The following PGLYRP1 variants were observed in gnomAD, a reference collection of about 807,000 sequenced individuals.
PGLYRP1 encodes the protein peptidoglycan recognition protein 1, also known as TNF superfamily, member 3 (LTB)-like (peptidoglycan recognition protein).
A neutral mutation model predicts 16.3 loss-of-function variants in PGLYRP1; 18 were observed. The ratio of observed to expected loss-of-function variants is 1.11; its 90% CI spans 0.77 to 1.64. PGLYRP1 has a LOEUF of 1.64. Ranked by LOEUF, PGLYRP1 falls within the 40% of genes most tolerant of loss-of-function variation. PGLYRP1 has a pLI of 0.00. For missense variants in PGLYRP1, 261 were observed against 268.6 expected (o/e 0.97, Z 0.20); for synonymous variants, 89 against 105.7 (o/e 0.84, Z 0.97).
chr19:46,021,098 C>G (rs1037114523), intron 1 of PGLYRP1: 3 of 152,346 alleles, frequency 2.0e-5, no homozygotes, highest in South Asian at 2.1e-4. Context: ...AAACGAGGCT[C>G]AGAGAGAGAA....
At position 46,019,254 on chromosome 19, in the gene PGLYRP1, TG is replaced by T; in HGVS notation, c.574del (p.His192ThrfsTer29). 1 of 1,613,610 alleles carries T rather than the reference TG, an allele frequency of 6.2e-7. No homozygotes were observed. The highest frequency in any genetic ancestry group is 1.7e-5 in the Admixed American group (1 of 59,992). On this transcript the variant is annotated frameshift_variant, in exon 3 of 3. Coordinates refer to ENST00000008938, the MANE Select transcript of PGLYRP1 (RefSeq NM_005091.3). LOFTEE classifies it high-confidence loss of function. This position sits in a 1 kb window ranked among gnomAD's most constrained non-coding sequence, Gnocchi z 4.8. ...AGCAGGGCCTCAGGGGGAGCGGTAG[TG>T]TGGCCAATTCTGGATGAGGTGGTAG... ...QLYHLIQNWP[H>X]YRSP
At position 46,019,693 on chromosome 19, in the gene PGLYRP1, C is replaced by T. The variant is rs750471201; in HGVS notation, c.288-46G>A. 32 of 1,586,394 alleles carry T rather than the reference C, an allele frequency of 2.0e-5. No homozygotes were observed. Among genetic ancestry groups the T allele is most frequent in the African/African-American group, 1.1e-4 (8 of 74,508 alleles). On this transcript the variant is annotated intron_variant, in intron 1 of 2. Transcript: ENST00000008938. The surrounding 1 kb of genome is among the most constrained non-coding windows in gnomAD (Gnocchi z 4.8). ...GCTTGATGAGTGAGGGAGGGTTTCC[C>T]GAGGAGGACTCCTCCTCCTTCCTCC...
In PGLYRP1 at chr19:46,023,011, C is replaced by T. The variant is rs1433868270; in HGVS notation, c.11G>A (p.Arg4His). 1.9e-6 allele frequency: 3 copies of T among 1,553,638 alleles called. No individual in the cohort carries two copies. The highest frequency in any genetic ancestry group is 2.6e-6 in the Non-Finnish European group (3 of 1,149,032). The change falls in exon 1 of 3, where the codon CGC becomes CAC. Residue 4 changes from arginine (R) to histidine (H), a missense_variant. Physicochemically the swap from Arg to His is conservative, Grantham distance 29 (BLOSUM62 0). Coordinates refer to ENST00000008938, the MANE Select transcript of PGLYRP1 (RefSeq NM_005091.3). ...GAGAGCCCAGGCAAGCAGCATAGAG[C>T]GGCGGGACATAGTGGCAGGGCGGCA... The part of the protein sequence containing the change: MSR[R>H]SMLLAWALPS...
Position 46,019,968 on chromosome 19 carries a change from C to A in PGLYRP1, c.288-321G>T, listed in dbSNP as rs931315613. The stretch of plus-strand genomic sequence containing the variant: ...CCGGGGTCACACAGCCTGTCTGGGG[C>A]ACAGCTGGGGTTTTTAACCAGGCCT... On this transcript the variant is annotated intron_variant, in intron 1 of 2. Transcript: ENST00000008938. This position sits in a 1 kb window ranked among gnomAD's most constrained non-coding sequence, Gnocchi z 4.8. Among the ~76,000 whole-genome samples, 2 of 152,182 alleles carry A rather than the reference C, an allele frequency of 1.3e-5. No homozygotes were observed. Among genetic ancestry groups the A allele is most frequent in the African/African-American group, 4.8e-5 (2 of 41,436 alleles).
At position 46,019,269 on chromosome 19, in the gene PGLYRP1, A is replaced by G; in HGVS notation, c.560T>C (p.Ile187Thr). ...LSPGNQLYHLIQNWPHYRSP is the reference protein window; with the variant it reads ...LSPGNQLYHLTQNWPHYRSP The stretch of plus-strand genomic sequence containing the variant: ...GGAGCGGTAGTGTGGCCAATTCTGG[A>G]TGAGGTGGTAGAGCTGGTTGCCTGG... The change falls in exon 3 of 3, where the codon ATC becomes ACC. Residue 187 changes from isoleucine (I) to threonine (T), a missense_variant. Physicochemically the swap from Ile to Thr is moderately conservative, Grantham distance 89 (BLOSUM62 -1). Coordinates refer to ENST00000008938, the MANE Select transcript of PGLYRP1 (RefSeq NM_005091.3). The surrounding 1 kb of genome is among the most constrained non-coding windows in gnomAD (Gnocchi z 4.8). 6.2e-7 allele frequency: 1 copy of G among 1,613,748 alleles called. No individual in the cohort carries two copies. The highest frequency in any genetic ancestry group is 8.5e-7 in the Non-Finnish European group (1 of 1,179,848).
intron 1 of PGLYRP1, chr19:46,021,460 A>G (rs1290384134): frequency 6.6e-6 from 1 of 152,180 alleles, no homozygotes; most frequent in Non-Finnish European, 1.5e-5. Context: ...GGGGACCTGC[A>G]TGTTCCTCCA....
Position 46,022,980 on chromosome 19 carries a change from G to T in PGLYRP1, c.42C>A (p.Ser14Arg). 6.3e-7 allele frequency: 1 copy of T among 1,596,576 alleles called. No individual in the cohort carries two copies. Among genetic ancestry groups the T allele is most frequent in the Non-Finnish European group, 8.5e-7 (1 of 1,171,316 alleles). Residue 14 changes from serine (S) to arginine (R), a missense_variant, in exon 1 of 3, where the codon AGC becomes AGA. Physicochemically the swap from Ser to Arg is moderately radical, Grantham distance 110 (BLOSUM62 -1). Transcript: ENST00000008938. ...CCTGAGCCGCTCCGAGTCGAAGGAG[G>T]CTGGGGAGAGCCCAGGCAAGCAGCA... ...RSMLLAWALP[S>R]LLRLGAAQET... is the part of the protein sequence containing the mutation.
In PGLYRP1 at chr19:46,019,668, G is replaced by T; in HGVS notation, c.288-21C>A. 1.2e-6 allele frequency: 2 copies of T among 1,608,196 alleles called. No individual in the cohort carries two copies. The highest frequency in any genetic ancestry group is 1.7e-6 in the Non-Finnish European group (2 of 1,178,404). ...GGAAGCTGCATGGGGAGGTGGGGGG[G>T]CTTGATGAGTGAGGGAGGGTTTCCC... On this transcript the variant is annotated intron_variant, in intron 1 of 2. Coordinates refer to ENST00000008938, the MANE Select transcript of PGLYRP1 (RefSeq NM_005091.3). This position sits in a 1 kb window ranked among gnomAD's most constrained non-coding sequence, Gnocchi z 4.8.
rs879304735 is a variant in PGLYRP1 at position 46,022,488 on chromosome 19, C to CCGGGAG, written c.287+241_287+246dup. Among the ~76,000 whole-genome samples the CCGGGAG allele has an allele frequency of 3.4e-4, 52 of 152,390 alleles. 2 individuals carry two copies. Among genetic ancestry groups the CCGGGAG allele is most frequent in the Admixed American group, 3.0e-3 (46 of 15,310 alleles). On this transcript the variant is annotated intron_variant, in intron 1 of 2. Transcript: ENST00000008938. ...GTTAGGCAAAGCCTGCCCCTTCTTC[C>CCGGGAG]CGGGAGCGGGAGCGGGGCTTGGATT...
rs757510509 is a variant in PGLYRP1 at position 46,019,683 on chromosome 19, G to A, written c.288-36C>T. ...AGGTGGGGGGGCTTGATGAGTGAGG[G>A]AGGGTTTCCCGAGGAGGACTCCTCC... On this transcript the variant is annotated intron_variant, in intron 1 of 2. Transcript: ENST00000008938. The surrounding 1 kb of genome is among the most constrained non-coding windows in gnomAD (Gnocchi z 4.8). The A allele has an allele frequency of 8.8e-6, 14 of 1,598,484 alleles. No individual in the cohort carries two copies. Among genetic ancestry groups the A allele is most frequent in the Middle Eastern group, 3.4e-4 (2 of 5,822 alleles).
rs112534560 is a variant in PGLYRP1 at position 46,019,320 on chromosome 19, T to C, written c.509A>G (p.His170Arg). Reference protein sequence around the residue: ...ALRSNYVLKGHRDVQRTLSPG... With the variant: ...ALRSNYVLKGRRDVQRTLSPG... Reference sequence around the variant, plus strand: ...AGAGAGTGTACGCTGCACATCCCGGTGTCCTTTGAGCACATAGTTGGACCT... The same window carrying C: ...AGAGAGTGTACGCTGCACATCCCGGCGTCCTTTGAGCACATAGTTGGACCT... Residue 170 changes from histidine to arginine, a missense_variant, in exon 3 of 3, where the codon CAC becomes CGC. Physicochemically the swap from His to Arg is conservative, Grantham distance 29. Coordinates refer to ENST00000008938, the MANE Select transcript of PGLYRP1 (RefSeq NM_005091.3). This position sits in a 1 kb window ranked among gnomAD's most constrained non-coding sequence, Gnocchi z 4.8. The C allele has an allele frequency of 1.2e-6, 2 of 1,613,850 alleles. No individual in the cohort carries two copies. Among genetic ancestry groups the C allele is most frequent in the Non-Finnish European group, 1.7e-6 (2 of 1,179,918 alleles).
Position 46,022,899 on chromosome 19 carries a change from G to C in PGLYRP1, c.123C>G (p.Ala41=), listed in dbSNP as rs1271298786. Residue 41 remains alanine, a synonymous_variant, in exon 1 of 3, where the codon GCC becomes GCG. Transcript: ENST00000008938. Reference sequence around the variant, plus strand: ...GGTGCTGGGCGCACTCTGATGCCAGGGCCTTCCACTCGTTCCGGGGCACTA... The same window carrying C: ...GGTGCTGGGCGCACTCTGATGCCAGCGCCTTCCACTCGTTCCGGGGCACTA... ...SPIVPRNEWK[A]LASECAQHLS... 3 of 1,613,200 alleles carry C rather than the reference G, an allele frequency of 1.9e-6. No homozygotes were observed. The highest frequency in any genetic ancestry group is 1.7e-6 in the Non-Finnish European group (2 of 1,179,648).
At chr19:46,022,057 G>C (rs955278702) in intron 1 of PGLYRP1, among the ~76,000 whole-genome samples, 2 of 152,172 alleles carry the variant, frequency 1.3e-5, no homozygotes, top group Non-Finnish European at 2.9e-5. Context: ...CTCTATCACC[G>C]TCTGAATTCA....
chr19:46,020,431 C>T (rs960591180), intron 1 of PGLYRP1, among the ~76,000 whole-genome samples: 5 of 152,084 alleles, frequency 3.3e-5, no homozygotes, highest in Admixed American at 1.3e-4. Context: ...TCTTATCATC[C>T]TCATCTTAAG....
At position 46,019,662 on chromosome 19, in the gene PGLYRP1, G is replaced by T. The variant is rs200529318; in HGVS notation, c.288-15C>A. On this transcript the variant is annotated splice_polypyrimidine_tract_variant and intron_variant, in intron 1 of 2. Transcript: ENST00000008938. The surrounding 1 kb of genome is among the most constrained non-coding windows in gnomAD (Gnocchi z 4.8). ...CAATCAGGAAGCTGCATGGGGAGGT[G>T]GGGGGGCTTGATGAGTGAGGGAGGG... 3.1e-6 allele frequency: 5 copies of T among 1,609,376 alleles called. No individual in the cohort carries two copies. Among genetic ancestry groups the T allele is most frequent in the African/African-American group, 2.7e-5 (2 of 74,958 alleles).
chr19:46,020,946 A>G (rs897319748), intron 1 of PGLYRP1: 1 of 152,656 alleles, frequency 6.6e-6, no homozygotes, highest in African/African-American at 2.4e-5. Flanking sequence ...TGGCCCTGCC[A>G]TATTCCCGGA....
chr19:46,019,623 G>A lies in PGLYRP1; in HGVS notation c.312C>T (p.Leu104=), dbSNP rs141970061. ...AGTTCCAGCCACGGCCCTCGTATAC[G>A]AGCCCGTCTTCTCCAATCAGGAAGC... ...GYNFLIGEDG[L]VYEGRGWNFT... is the part of the protein sequence containing the mutation. The change falls in exon 2 of 3, where the codon CTC becomes CTT. Residue 104 remains leucine (L), a synonymous_variant. Transcript: ENST00000008938. This position sits in a 1 kb window ranked among gnomAD's most constrained non-coding sequence, Gnocchi z 4.8. 1.7e-5 allele frequency: 27 copies of A among 1,613,694 alleles called. No homozygotes were observed. The highest frequency in any genetic ancestry group is 2.3e-5 in the Non-Finnish European group (27 of 1,179,950).
chr19:46,022,397 C>T (rs113125221), intron 1 of PGLYRP1, among the ~76,000 whole-genome samples: 2,939 of 152,382 alleles, frequency 0.019, 99 homozygotes, highest in African/African-American at 0.065. Flanking sequence ...TTTTCCGCCT[C>T]CTAACAAAGG....
In PGLYRP1 at chr19:46,019,758, T is replaced by G; in HGVS notation, c.288-111A>C. 1 of 1,087,562 alleles carries G rather than the reference T, an allele frequency of 9.2e-7. No individual in the cohort carries two copies. The highest frequency in any genetic ancestry group is 1.6e-5 in the South Asian group (1 of 64,262). The allele number at this position is 1,087,562 out of a possible 1,614,324, so 67.4% of individuals were successfully genotyped here. A position where few individuals can be genotyped will look rare whatever the true frequency, so the allele number is the denominator to read the frequency against. On this transcript the variant is annotated intron_variant, in intron 1 of 2. Transcript: ENST00000008938. The surrounding 1 kb of genome is among the most constrained non-coding windows in gnomAD (Gnocchi z 4.8). ...CGTTACTGCCGTGGTGCACACAACT[T>G]CCCCAGCATCCTTCTCACCCGTTAA...
Sources: gnomAD v4.1 joint callset for allele counts (sites outside exome capture counted in the v4.1 genomes callset) on GRCh38, gnomAD v4.1.1 for gene constraint, Gnocchi (gnomAD v3.1) non-coding constraint, MANE v1.5 for transcripts, NCBI Gene and HGNC (gene_info 2026-07-23, HGNC 2026-07-21) for gene names.